CLEC16A: variants seen among roughly 807,000 people sequenced by gnomAD.
CLEC16A encodes the protein protein CLEC16A.
CLEC16A carries 51 observed loss-of-function variants against 109.5 expected under a neutral mutation model. The ratio of observed to expected loss-of-function variants is 0.47; its 90% CI spans 0.37 to 0.59. CLEC16A has a LOEUF of 0.59. CLEC16A is among the 20% of genes least tolerant of loss of function. The pLI is 0.00. For synonymous variants in CLEC16A, 673 were observed against 564.2 expected (o/e 1.19, Z -2.73); for missense variants, 1,339 against 1,394.0 (o/e 0.96, Z 0.63).
chr16:10,956,050 C>G (rs976601007), intron 1 of CLEC16A, among the ~76,000 whole-genome samples: 1 of 152,196 alleles, frequency 6.6e-6, no homozygotes, highest in Admixed American at 6.5e-5. Context: ...AGTGGGTCCT[C>G]CAATGATTCA....
At position 11,178,709 on chromosome 16, in the gene CLEC16A, C is replaced by G. The variant is rs953218468; in HGVS notation, c.*19C>G. ...GGACTGAGTCAGTGCCGGGGCCTCCCTTTGTGTGTGTGGCCCCGCTGGTAG... is the reference window on the plus strand; with the variant it reads ...GGACTGAGTCAGTGCCGGGGCCTCCGTTTGTGTGTGTGGCCCCGCTGGTAG... On this transcript the variant is annotated 3_prime_UTR_variant, in exon 24 of 24. Coordinates refer to ENST00000409790, the MANE Select transcript of CLEC16A (RefSeq NM_015226.3). The surrounding 1 kb of genome is among the most constrained non-coding windows in gnomAD (Gnocchi z 6.5). The G allele has an allele frequency of 6.9e-7, 1 of 1,448,636 alleles. No individual in the cohort carries two copies. The highest frequency in any genetic ancestry group is 9.1e-7 in the Non-Finnish European group (1 of 1,100,780). 89.7% of individuals were successfully genotyped at this position (1,448,636 alleles called of 1,614,324 possible). A position where few individuals can be genotyped will look rare whatever the true frequency, so the allele number is the denominator to read the frequency against.
chr16:11,040,846 C>T (rs1337634995), intron 14 of CLEC16A: 1 of 152,152 alleles, frequency 6.6e-6, no homozygotes, highest in Admixed American at 6.5e-5. Flanking sequence ...CCCCTTTTCT[C>T]ACTTATTTTC....
At chr16:11,158,238 G>A (rs1467580792) in intron 22 of CLEC16A, among the ~76,000 whole-genome samples, 1 of 152,120 alleles carries the variant, frequency 6.6e-6, no homozygotes, top group African/African-American at 2.4e-5. Flanking sequence ...TATGAACACT[G>A]CATCGTCAGA....
chr16:11,019,433 A>G (rs536663681), intron 11 of CLEC16A, among the ~76,000 whole-genome samples: 4 of 150,660 alleles, frequency 2.7e-5, no homozygotes, highest in South Asian at 2.1e-4. Flanking sequence ...AAAAAAGGAA[A>G]ACAAAAGGCT....
At chr16:11,114,358 A>AT (rs1265945069) in intron 19 of CLEC16A, among the ~76,000 whole-genome samples, 1 of 152,072 alleles carries the variant, frequency 6.6e-6, no homozygotes. Flanking sequence ...AGAATTGGAG[A>AT]TTCGATGGGC....
At chr16:11,013,944 A>G (rs887367418) in intron 11 of CLEC16A, among the ~76,000 whole-genome samples, 1 of 151,468 alleles carries the variant, frequency 6.6e-6, no homozygotes, top group East Asian at 1.9e-4. Flanking sequence ...GTCTCAAAAA[A>G]AAGAAGAAGA....
intron 16 of CLEC16A, among the ~76,000 whole-genome samples, chr16:11,045,740 A>T (rs1425539500): frequency 6.6e-6 from 1 of 152,120 alleles, no homozygotes; most frequent in Non-Finnish European, 1.5e-5. Context: ...GCTGATGAAG[A>T]TCCTCCTACA....
rs200627746 is a variant in CLEC16A, at chr16:11,178,555, T to C, written c.3027T>C (p.Leu1009=). The change falls in exon 24 of 24, where the codon CTT becomes CTC. Residue 1009 remains leucine, a synonymous_variant. Coordinates refer to ENST00000409790, the MANE Select transcript of CLEC16A (RefSeq NM_015226.3). This position sits in a 1 kb window ranked among gnomAD's most constrained non-coding sequence, Gnocchi z 6.5. ...CGCTGAGCGTCGAATCGCTGACCCTTGTCCCCCCAGTTGACCCCCACAGCC... is the reference window on the plus strand; with the variant it reads ...CGCTGAGCGTCGAATCGCTGACCCTCGTCCCCCCAGTTGACCCCCACAGCC... ...ADTLSVESLT[L]VPPVDPHSLR... 8.8e-5 allele frequency: 142 copies of C among 1,612,584 alleles called. 2 individuals carry two copies. The East Asian group carries it at 3.2e-3, about 36-fold the overall frequency.
In CLEC16A at chr16:10,954,336, C is replaced by T. The variant is rs1443571581; in HGVS notation, c.81-3446C>T. The stretch of plus-strand genomic sequence containing the variant: ...TGAAGCCCTCGCAGAGAACCAGGCA[C>T]GTGGGGGCTCCTAGAATCTTTTTTT... On this transcript the variant is annotated intron_variant, in intron 1 of 23. Coordinates refer to ENST00000409790, the MANE Select transcript of CLEC16A (RefSeq NM_015226.3). The surrounding 1 kb of genome is among the most constrained non-coding windows in gnomAD (Gnocchi z 4.2). 2.0e-5 allele frequency among the ~76,000 whole-genome samples: 3 copies of T among 152,156 alleles called. No homozygotes were observed. Among genetic ancestry groups the T allele is most frequent in the Non-Finnish European group, 2.9e-5 (2 of 68,016 alleles).
At chr16:11,003,854 G>A (rs2044820522) in intron 11 of CLEC16A, among the ~76,000 whole-genome samples, 1 of 151,816 alleles carries the variant, frequency 6.6e-6, no homozygotes, top group Non-Finnish European at 1.5e-5. Context: ...ATGCTTGTAG[G>A]CCGAGTGCAG....
intron 19 of CLEC16A, among the ~76,000 whole-genome samples, chr16:11,088,811 G>A (rs1225970436): frequency 3.3e-5 from 5 of 152,228 alleles, no homozygotes; most frequent in Non-Finnish European, 2.9e-5. Context: ...GGGCTGAGTC[G>A]GGTGGGGGTC....
At chr16:11,118,979 C>A (rs1050134801) in intron 19 of CLEC16A, among the ~76,000 whole-genome samples, 5 of 152,078 alleles carry the variant, frequency 3.3e-5, no homozygotes, top group Non-Finnish European at 7.4e-5. Context: ...GCTCTCTATT[C>A]TGTTCTGTTG....
intron 18 of CLEC16A, among the ~76,000 whole-genome samples, chr16:11,055,867 G>A (rs1394554339): frequency 6.6e-6 from 1 of 152,066 alleles, no homozygotes; most frequent in African/African-American, 2.4e-5. Context: ...GGGATTACAG[G>A]CGTGAGCCAC....
intron 23 of CLEC16A, among the ~76,000 whole-genome samples, chr16:11,170,075 C>A (rs1029103648): frequency 1.3e-5 from 2 of 152,184 alleles, no homozygotes; most frequent in Non-Finnish European, 2.9e-5. Flanking sequence ...AAGCCCATGC[C>A]AGCAGAATAT....
At position 10,954,569 on chromosome 16, in the gene CLEC16A, A is replaced by G. The variant is rs918709844; in HGVS notation, c.81-3213A>G. 1.3e-5 allele frequency among the ~76,000 whole-genome samples: 2 copies of G among 152,306 alleles called. No homozygotes were observed. Among genetic ancestry groups the G allele is most frequent in the Non-Finnish European group, 2.9e-5 (2 of 68,026 alleles). ...GTATTCAGGTACCATTGCTGTTTACATTTTACTGGTGAGACAACTGAGGTG... is the reference window on the plus strand; with the variant it reads ...GTATTCAGGTACCATTGCTGTTTACGTTTTACTGGTGAGACAACTGAGGTG... On this transcript the variant is annotated intron_variant, in intron 1 of 23. Transcript: ENST00000409790. The surrounding 1 kb of genome is among the most constrained non-coding windows in gnomAD (Gnocchi z 4.2).
At chr16:10,968,733 G>GA (rs999976935) in intron 3 of CLEC16A, among the ~76,000 whole-genome samples, 16 of 152,046 alleles carry the variant, frequency 1.1e-4, no homozygotes, top group African/African-American at 3.4e-4. Context: ...ATATAAGGAG[G>GA]AAAAAAACCC....
chr16:11,167,946 G>A (rs1022519835), intron 23 of CLEC16A, among the ~76,000 whole-genome samples: 1 of 152,168 alleles, frequency 6.6e-6, no homozygotes, highest in African/African-American at 2.4e-5. Context: ...CGGGCATGCA[G>A]GGTTGTGTGT....
At chr16:11,029,699 T>C (rs1216321591) in intron 13 of CLEC16A, among the ~76,000 whole-genome samples, 1 of 152,242 alleles carries the variant, frequency 6.6e-6, no homozygotes, top group Non-Finnish European at 1.5e-5. Context: ...TCAGTCCATC[T>C]TGGCCAGAAG....
At chr16:11,046,235 A>C (rs2047628028) in intron 16 of CLEC16A, among the ~76,000 whole-genome samples, 1 of 152,178 alleles carries the variant, frequency 6.6e-6, no homozygotes, top group African/African-American at 2.4e-5. Context: ...TTATTAACAA[A>C]AGGAGAGCTT....
Sources: gnomAD v4.1 joint callset for allele counts (sites outside exome capture counted in the v4.1 genomes callset) on GRCh38, gnomAD v4.1.1 for gene constraint, Gnocchi (gnomAD v3.1) non-coding constraint, MANE v1.5 for transcripts, NCBI Gene and HGNC (gene_info 2026-07-23, HGNC 2026-07-21) for gene names.